TRIO: variants seen among roughly 807,000 people sequenced by gnomAD.
The protein encoded by TRIO is triple functional domain protein.
In TRIO, 58 loss-of-function variants were observed where a neutral mutation model predicts 351.9. The ratio of observed to expected loss-of-function variants is 0.16; its 90% CI spans 0.13 to 0.21. The LOEUF is 0.21. Among genes scored for constraint, TRIO ranks in the 10% least tolerant of loss-of-function variants. TRIO has a pLI of 1.00. For missense variants in TRIO, 3,201 were observed against 4,027.8 expected, an observed-to-expected ratio of 0.79 and a Z score of 5.56; for synonymous variants, 1,758 against 1,595.7, an observed-to-expected ratio of 1.10 and a Z score of -2.42.
At chr5:14,251,349 CA>C (rs1206452983) in intron 1 of TRIO, among the ~76,000 whole-genome samples, 1 of 152,214 alleles carries the variant, frequency 6.6e-6, no homozygotes, top group East Asian at 1.9e-4. Context: ...TGATTTTGAT[CA>C]GCACTCACGG....
chr5:14,248,608 C>CACCGT (rs1794572071), intron 1 of TRIO, among the ~76,000 whole-genome samples: 1 of 152,170 alleles, frequency 6.6e-6, no homozygotes, highest in Non-Finnish European at 1.5e-5. Context: ...CTGAGGGGAG[C>CACCGT]CCCTTGCAAG....
At chr5:14,489,807 G>A (rs62345872) in intron 48 of TRIO, among the ~76,000 whole-genome samples, 2,423 of 152,276 alleles carry the variant, frequency 0.016, 22 homozygotes, top group Non-Finnish European at 0.025. Context: ...ACGTGTTCCC[G>A]CGAGCTTTAG....
chr5:14,156,305 T>G (rs1788099774), intron 1 of TRIO, among the ~76,000 whole-genome samples: 2 of 152,050 alleles, frequency 1.3e-5, no homozygotes, highest in Non-Finnish European at 2.9e-5. Flanking sequence ...AATGGTTCAT[T>G]TTAGTAGTGA....
chr5:14,421,212 T>TTTAA (rs1391687921), intron 34 of TRIO, among the ~76,000 whole-genome samples: 27 of 131,560 alleles, frequency 2.1e-4, no homozygotes, highest in African/African-American at 8.8e-4. Context: ...TTTTCCCTTA[T>TTTAA]TTAATTATTT....
At chr5:14,409,574 C>G (rs1299912448) in intron 33 of TRIO, among the ~76,000 whole-genome samples, 1 of 152,142 alleles carries the variant, frequency 6.6e-6, no homozygotes, top group Non-Finnish European at 1.5e-5. Context: ...GTGGCTCACG[C>G]CTGTAATCCC....
chr5:14,397,241 C>T, intron 29 of TRIO, 87 bp downstream of exon 29: 1 of 1,016,538 alleles, frequency 9.8e-7, no homozygotes, highest in Admixed American at 2.5e-5. Context: ...CTAAAAATCC[C>T]CGCTTTATGT....
At chr5:14,485,045 GAAT>G (rs752729776) in intron 46 of TRIO, 21 bp from the exon 47 acceptor site, 2 of 1,520,204 alleles carry the variant, frequency 1.3e-6, no homozygotes, top group Non-Finnish European at 1.8e-6. Flanking sequence ...TAGCTATTAT[GAAT>G]AATGTTTTTT....
intron 7 of TRIO, among the ~76,000 whole-genome samples, chr5:14,297,689 C>T (rs1004407572): frequency 7.9e-5 from 12 of 152,190 alleles, no homozygotes; most frequent in Middle Eastern, 3.2e-3. Flanking sequence ...AGGAACGGAA[C>T]GCCCATCCGT....
At chr5:14,343,696 A>G (rs985736768) in intron 11 of TRIO, among the ~76,000 whole-genome samples, 5 of 152,176 alleles carry the variant, frequency 3.3e-5, no homozygotes, top group African/African-American at 9.7e-5. Context: ...GTTTTTGGCT[A>G]TTACAGGGAA....
At chr5:14,175,823 A>C (rs1365119430) in intron 1 of TRIO, among the ~76,000 whole-genome samples, 1 of 152,236 alleles carries the variant, frequency 6.6e-6, no homozygotes, top group African/African-American at 2.4e-5. Flanking sequence ...TAGACGGGAT[A>C]CCTAGACTGC....
Position 14,488,047 on chromosome 5 carries a change from C to T in TRIO, c.7419C>T (p.Phe2473=), listed in dbSNP as rs754225119. 3.1e-6 allele frequency: 5 copies of T among 1,607,876 alleles called. No individual in the cohort carries two copies. Among genetic ancestry groups the T allele is most frequent in the African/African-American group, 1.3e-5 (1 of 74,778 alleles). Reference sequence around the variant, plus strand: ...TCCCTTCTCTCGGCAAGGAGCCCTTCCCCCCCAGCAGCCCCCTGCAGAAGG... The same window carrying T: ...TCCCTTCTCTCGGCAAGGAGCCCTTTCCCCCCAGCAGCCCCCTGCAGAAGG... ...SAVPSLGKEP[F]PPSSPLQKGG... Residue 2473 remains phenylalanine, a synonymous_variant, in exon 48 of 57, where the codon TTC becomes TTT. Transcript: ENST00000344204.
At chr5:14,476,771 G>A in intron 40 of TRIO, 123 bp from the exon 41 acceptor site, 1 of 766,586 alleles carries the variant, frequency 1.3e-6, no homozygotes, top group Non-Finnish European at 2.0e-6. Flanking sequence ...TCCAGCCTAG[G>A]TGATAGAGTG....
intron 1 of TRIO, among the ~76,000 whole-genome samples, chr5:14,171,270 T>A (rs980354898): frequency 6.6e-6 from 1 of 152,206 alleles, no homozygotes; most frequent in Non-Finnish European, 1.5e-5. Flanking sequence ...TATTTTATAA[T>A]AGTTTGCCAA....
At chr5:14,270,421 G>GATGTC (rs1410291521) in intron 1 of TRIO, among the ~76,000 whole-genome samples, 1 of 152,168 alleles carries the variant, frequency 6.6e-6, no homozygotes, top group African/African-American at 2.4e-5. Context: ...GAGGTTTTAG[G>GATGTC]ATGTCACAAG....
rs1415644561 is a variant in TRIO at position 14,290,952 on chromosome 5, A to C, written c.777A>C (p.Glu259Asp). The change falls in exon 5 of 57, where the codon GAA (glutamate) becomes GAC (aspartate). Residue 259 changes from glutamate (E) to aspartate (D), a missense_variant. Physicochemically the swap from Glu to Asp is conservative, Grantham distance 45. Coordinates refer to ENST00000344204, the MANE Select transcript of TRIO (RefSeq NM_007118.4). Reference sequence around the variant, plus strand: ...AGGGGGCTCGGAATATGATCGAGGAACATTCTCAGCTGAAGAAGAAGGTGA... The same window carrying C: ...AGGGGGCTCGGAATATGATCGAGGACCATTCTCAGCTGAAGAAGAAGGTGA... ...DLEGARNMIEEHSQLKKKVIK... is the reference protein window; with the variant it reads ...DLEGARNMIEDHSQLKKKVIK... The C allele has an allele frequency of 8.7e-6, 14 of 1,614,094 alleles. No homozygotes were observed. The highest frequency in any genetic ancestry group is 1.2e-5 in the Non-Finnish European group (14 of 1,180,046).
chr5:14,319,627 GT>G (rs1739688246), intron 9 of TRIO, among the ~76,000 whole-genome samples: 2 of 152,206 alleles, frequency 1.3e-5, no homozygotes, highest in African/African-American at 2.4e-5. Context: ...ATTGTTTTGA[GT>G]GATGCAAAAG....
intron 55 of TRIO, 42 bp from the exon 56 acceptor site, chr5:14,507,080 A>G (rs1561575309): frequency 6.5e-7 from 1 of 1,537,014 alleles, no homozygotes; most frequent in Non-Finnish European, 8.7e-7. Context: ...AGGTCTTCAA[A>G]GCAAATCGCA....
intron 46 of TRIO, among the ~76,000 whole-genome samples, chr5:14,483,636 C>T (rs1755694207): frequency 6.6e-6 from 1 of 152,186 alleles, no homozygotes; most frequent in South Asian, 2.1e-4. Flanking sequence ...TGTCCGTGGG[C>T]ACAGGTGCCA....
chr5:14,377,728 T>C (rs545870099), intron 19 of TRIO, among the ~76,000 whole-genome samples: 1 of 152,322 alleles, frequency 6.6e-6, no homozygotes, highest in Non-Finnish European at 1.5e-5. Context: ...GTCGAATTCA[T>C]ATTACAAAAT....
Sources: allele counts gnomAD v4.1 joint callset (sites outside exome capture counted in the v4.1 genomes callset), GRCh38; gene constraint gnomAD v4.1.1; transcripts MANE v1.5; gene names NCBI Gene and HGNC (gene_info 2026-07-23, HGNC 2026-07-21).